Variants in GALNT17 observed in about 807,000 individuals in gnomAD.
GALNT17 encodes the protein UDP-GalNAc:polypeptide N-acetylgalactosaminyltransferase-like 3.
In GALNT17, 29 loss-of-function variants were observed where a neutral mutation model predicts 63.7. That is an observed-to-expected ratio of 0.46 (90% CI 0.34 to 0.62). The LOEUF is 0.62. GALNT17 is among the 20% of genes least tolerant of loss of function. The pLI, the probability that GALNT17 is intolerant of heterozygous loss-of-function variation, is 0.01. For synonymous variants in GALNT17, 305 were observed against 318.3 expected, an observed-to-expected ratio of 0.96 and a Z score of 0.45; for missense variants, 603 against 799.6, an observed-to-expected ratio of 0.75 and a Z score of 2.97.
intron 6 of GALNT17, among the ~76,000 whole-genome samples, chr7:71,612,863 G>A (rs148689417): frequency 7.9e-5 from 12 of 152,218 alleles, no homozygotes; most frequent in African/African-American, 2.2e-4. Context: ...TTCGGTTTTC[G>A]GTTTGCCAGT....
chr7:71,231,435 G>A (rs1459884651), intron 1 of GALNT17, among the ~76,000 whole-genome samples: 1 of 152,142 alleles, frequency 6.6e-6, no homozygotes, highest in Non-Finnish European at 1.5e-5. Context: ...CTGGAGAAGT[G>A]CAAGTCCAGA....
intron 5 of GALNT17, among the ~76,000 whole-genome samples, chr7:71,468,421 A>T (rs1787572900): frequency 6.7e-6 from 1 of 148,318 alleles, no homozygotes; most frequent in African/African-American, 2.5e-5. Flanking sequence ...TTTATTTATT[A>T]TTTTTTTTAA....
chr7:71,557,870 C>T (rs946857303), intron 5 of GALNT17, among the ~76,000 whole-genome samples: 3 of 151,946 alleles, frequency 2.0e-5, no homozygotes, highest in Admixed American at 1.3e-4. Context: ...GTCAGGAGAT[C>T]GAGACCATCC....
At chr7:71,244,543 TGA>T (rs1285838784) in intron 1 of GALNT17, among the ~76,000 whole-genome samples, 1 of 152,066 alleles carries the variant, frequency 6.6e-6, no homozygotes, top group African/African-American at 2.4e-5. Context: ...GTAAATAAAA[TGA>T]GATAATAAAA....
intron 5 of GALNT17, among the ~76,000 whole-genome samples, chr7:71,563,281 C>T (rs1789285416): frequency 6.6e-6 from 1 of 152,198 alleles, no homozygotes; most frequent in South Asian, 2.1e-4. Context: ...ATCTCTTCAG[C>T]CCGCAAGTGG....
chr7:71,315,157 GC>G (rs1791478499), intron 1 of GALNT17, among the ~76,000 whole-genome samples: 1 of 152,110 alleles, frequency 6.6e-6, no homozygotes, highest in South Asian at 2.1e-4. Context: ...TATTCACTTA[GC>G]AAAACGACTT....
intron 5 of GALNT17, among the ~76,000 whole-genome samples, chr7:71,502,827 G>C (rs531625356): frequency 6.6e-6 from 1 of 152,270 alleles, no homozygotes; most frequent in East Asian, 1.9e-4. Context: ...CATAAACTAA[G>C]TTTACAATAA....
At chr7:71,468,575 C>G (rs1272480445) in intron 5 of GALNT17, among the ~76,000 whole-genome samples, 2 of 151,974 alleles carry the variant, frequency 1.3e-5, no homozygotes, top group Non-Finnish European at 2.9e-5. Context: ...CACCACCATG[C>G]CTGGCTAATT....
At chr7:71,441,488 T>G (rs1269010712) in intron 5 of GALNT17, among the ~76,000 whole-genome samples, 2 of 152,184 alleles carry the variant, frequency 1.3e-5, no homozygotes, top group Non-Finnish European at 2.9e-5. Flanking sequence ...TTAATTTTAC[T>G]TTAAGTTCTG....
At chr7:71,144,586 G>T (rs906247617) in intron 1 of GALNT17, among the ~76,000 whole-genome samples, 1 of 152,092 alleles carries the variant, frequency 6.6e-6, no homozygotes, top group Non-Finnish European at 1.5e-5. Flanking sequence ...AGGACCAATA[G>T]GTTCATATGC....
intron 1 of GALNT17, among the ~76,000 whole-genome samples, chr7:71,148,954 C>G (rs1008593959): frequency 2.0e-5 from 3 of 149,250 alleles, no homozygotes; most frequent in African/African-American, 7.4e-5. Context: ...TGTTTTGAGA[C>G]ACAGTCTTGC....
intron 5 of GALNT17, among the ~76,000 whole-genome samples, chr7:71,562,391 A>G (rs549102423): frequency 2.6e-4 from 39 of 152,306 alleles, no homozygotes; most frequent in Middle Eastern, 6.8e-3. Context: ...CATTATTATT[A>G]CATTGTAATA....
intron 1 of GALNT17, among the ~76,000 whole-genome samples, chr7:71,221,727 T>A (rs1289475442): frequency 6.6e-6 from 1 of 152,142 alleles, no homozygotes; most frequent in Non-Finnish European, 1.5e-5. Context: ...CGCTGCTGCC[T>A]TTGATGTAAG....
chr7:71,380,902 A>G (rs1372246553), intron 2 of GALNT17, among the ~76,000 whole-genome samples: 1 of 151,636 alleles, frequency 6.6e-6, no homozygotes, highest in Non-Finnish European at 1.5e-5. Context: ...GATAAGGGGT[A>G]GATTGCTGGG....
intron 1 of GALNT17, among the ~76,000 whole-genome samples, chr7:71,325,369 C>T (rs1479873262): frequency 3.3e-5 from 5 of 152,112 alleles, no homozygotes; most frequent in African/African-American, 4.8e-5. Context: ...GGCTCTTTGG[C>T]TTAGAGAGAG....
At position 71,667,383 on chromosome 7, in the gene GALNT17, A is replaced by G. The variant is rs113480681; in HGVS notation, c.1266+1787A>G. ...TAGCCATTATTACTATTATGTAAAG[A>G]TAGGTAACATTCGTTGAGCACTTAC... On this transcript the variant is annotated intron_variant, in intron 7 of 10. Coordinates refer to ENST00000333538, the MANE Select transcript of GALNT17 (RefSeq NM_022479.3). Among the ~76,000 whole-genome samples, 704 of 152,324 alleles carry G rather than the reference A, an allele frequency of 4.6e-3. 5 individuals are homozygous for G. The highest frequency in any genetic ancestry group is 0.016 in the African/African-American group (681 of 41,586).
chr7:71,451,567 C>G (rs1787263530), intron 5 of GALNT17, among the ~76,000 whole-genome samples: 2 of 152,056 alleles, frequency 1.3e-5, no homozygotes, highest in Admixed American at 6.6e-5. Flanking sequence ...TTTATTAATT[C>G]ATTTTGTCTG....
intron 6 of GALNT17, among the ~76,000 whole-genome samples, chr7:71,659,422 G>A (rs1790873797): frequency 6.6e-6 from 1 of 152,202 alleles, no homozygotes; most frequent in South Asian, 2.1e-4. Flanking sequence ...CCACTGATGG[G>A]TTGTCTTGGG....
chr7:71,510,286 G>A (rs957322930), intron 5 of GALNT17, among the ~76,000 whole-genome samples: 3 of 152,132 alleles, frequency 2.0e-5, no homozygotes, highest in African/African-American at 4.8e-5. Flanking sequence ...AATATTCACA[G>A]AATTGTGTGT....
Sources: gnomAD v4.1 joint callset for allele counts (sites outside exome capture counted in the v4.1 genomes callset) on GRCh38, gnomAD v4.1.1 for gene constraint, MANE v1.5 for transcripts, NCBI Gene and HGNC (gene_info 2026-07-23, HGNC 2026-07-21) for gene names.